The following NPAS3 variants were observed in gnomAD, a reference collection of about 807,000 sequenced individuals.
The protein encoded by NPAS3 is neuronal PAS domain protein 3.
NPAS3 carries 14 observed loss-of-function variants against 73.1 expected under a neutral mutation model. The observed-to-expected ratio is 0.19, with a 90% CI of 0.13 to 0.30. NPAS3 has a LOEUF of 0.30. Ranked by LOEUF, NPAS3 falls within the 10% of genes least tolerant of loss-of-function variation. The probability of loss-of-function intolerance (pLI) is 1.00; values close to 1 mark genes in which losing one functional copy is unlikely to be tolerated. For missense variants in NPAS3, 1,096 were observed against 1,250.0 expected, an observed-to-expected ratio of 0.88 and a Z score of 1.86; for synonymous variants, 620 against 541.5, an observed-to-expected ratio of 1.14 and a Z score of -2.01.
chr14:33,122,447 G>A (rs987066304), intron 2 of NPAS3, among the ~76,000 whole-genome samples: 1 of 151,988 alleles, frequency 6.6e-6, no homozygotes, highest in African/African-American at 2.4e-5. Flanking sequence ...CACATAAATC[G>A]ATGACATTTC....
intron 2 of NPAS3, among the ~76,000 whole-genome samples, chr14:33,143,616 G>A (rs904412769): frequency 3.3e-5 from 5 of 152,114 alleles, no homozygotes; most frequent in Non-Finnish European, 5.9e-5. Context: ...CAATTTAGTG[G>A]CATTAGTATA....
intron 5 of NPAS3, among the ~76,000 whole-genome samples, chr14:33,622,214 A>G (rs988909501): frequency 5.9e-5 from 9 of 152,162 alleles, no homozygotes; most frequent in African/African-American, 2.2e-4. Flanking sequence ...GATACAACAG[A>G]TGAGATAAAG....
chr14:33,439,851 C>A (rs549212175), intron 4 of NPAS3, among the ~76,000 whole-genome samples: 3 of 152,026 alleles, frequency 2.0e-5, no homozygotes, highest in Non-Finnish European at 4.4e-5. Context: ...CGTGGTGGCT[C>A]ACGCCTGTAA....
At chr14:33,546,851 T>C (rs962686855) in intron 4 of NPAS3, among the ~76,000 whole-genome samples, 18 of 152,210 alleles carry the variant, frequency 1.2e-4, no homozygotes, top group Non-Finnish European at 2.1e-4. Context: ...ATTAAGGATG[T>C]TGATAAACTG....
At chr14:33,777,108 A>G (rs1304432387) in intron 8 of NPAS3, among the ~76,000 whole-genome samples, 1 of 152,198 alleles carries the variant, frequency 6.6e-6, no homozygotes, top group African/African-American at 2.4e-5. Context: ...GCCTCAGGCA[A>G]AGCCGACATC....
chr14:33,233,584 A>C (rs2047929669), intron 3 of NPAS3, among the ~76,000 whole-genome samples: 4 of 152,204 alleles, frequency 2.6e-5, no homozygotes, highest in African/African-American at 9.6e-5. Context: ...TTAATCAAGT[A>C]GCAAAAGTAG....
rs527787963 is a variant in NPAS3 at position 33,595,414 on chromosome 14, G to A, written c.558+35204G>A. On this transcript the variant is annotated intron_variant, in intron 5 of 11. Coordinates refer to ENST00000356141, the Ensembl canonical transcript of NPAS3. Reference sequence around the variant, plus strand: ...TATCCATTAATAAACTGGAGAAATCGGCTGTAATTTCTTCTTAAATTATAT... The same window carrying A: ...TATCCATTAATAAACTGGAGAAATCAGCTGTAATTTCTTCTTAAATTATAT... 6.6e-5 allele frequency among the ~76,000 whole-genome samples: 10 copies of A among 151,830 alleles called. 2 individuals carry two copies. The highest frequency in any genetic ancestry group is 6.9e-3 in the Middle Eastern group (2 of 290).
intron 5 of NPAS3, among the ~76,000 whole-genome samples, chr14:33,621,030 A>G (rs2058062340): frequency 1.3e-5 from 2 of 152,174 alleles, no homozygotes; most frequent in South Asian, 4.1e-4. Context: ...ATGACTAGGT[A>G]ACGAGAAGTA....
At chr14:33,338,636 C>T (rs888674721) in intron 3 of NPAS3, among the ~76,000 whole-genome samples, 32 of 152,114 alleles carry the variant, frequency 2.1e-4, no homozygotes, top group South Asian at 8.3e-4. Flanking sequence ...TTTCTATCTG[C>T]GTAGTAAGAT....
In NPAS3 at chr14:33,373,386, A is replaced by G. The variant is rs980332514; in HGVS notation, c.468+6118A>G. ...TTGTCAGCATATTATATTGAACTATATGTGTGTGTGTGTGTGTGTGTGTGT... is the reference window on the plus strand; with the variant it reads ...TTGTCAGCATATTATATTGAACTATGTGTGTGTGTGTGTGTGTGTGTGTGT... On this transcript the variant is annotated intron_variant, in intron 4 of 11. Coordinates refer to ENST00000356141, the Ensembl canonical transcript of NPAS3. Among the ~76,000 whole-genome samples, 35 of 147,250 alleles carry G rather than the reference A, an allele frequency of 2.4e-4. 2 individuals are homozygous for G. Among genetic ancestry groups the G allele is most frequent in the Admixed American group, 2.0e-3 (29 of 14,682 alleles).
intron 7 of NPAS3, among the ~76,000 whole-genome samples, chr14:33,756,715 G>C (rs2062126409): frequency 6.6e-6 from 1 of 152,236 alleles, no homozygotes; most frequent in Admixed American, 6.5e-5. Flanking sequence ...GCAGTAGATA[G>C]ATGTAGCATC....
rs923334639 is a variant in NPAS3 at position 33,148,787 on chromosome 14, G to A, written c.141-66395G>A. ...CTGTAAGCCTCCAATTCCAAGACTC[G>A]GGCAATATTCCCACCTCAGCGTCCC... is the stretch of plus-strand genomic sequence containing the variant. On this transcript the variant is annotated intron_variant, in intron 2 of 11. Transcript: ENST00000356141. Among the ~76,000 whole-genome samples, 14 of 151,918 alleles carry A rather than the reference G, an allele frequency of 9.2e-5. No individual in the cohort carries two copies. The East Asian group carries it at 1.5e-3, about 17-fold the overall frequency.
intron 10 of NPAS3, among the ~76,000 whole-genome samples, chr14:33,795,169 G>C (rs1301999303): frequency 6.6e-6 from 1 of 152,206 alleles, no homozygotes; most frequent in Non-Finnish European, 1.5e-5. Context: ...GCTACCAACA[G>C]CATATCAATC....
At chr14:33,198,571 C>A (rs537920919) in intron 2 of NPAS3, among the ~76,000 whole-genome samples, 41 of 152,324 alleles carry the variant, frequency 2.7e-4, no homozygotes, top group African/African-American at 9.4e-4. Context: ...GGTGCATTTA[C>A]AAACCTTGAG....
At chr14:33,045,224 A>G (rs917767665) in intron 1 of NPAS3, among the ~76,000 whole-genome samples, 5 of 152,194 alleles carry the variant, frequency 3.3e-5, no homozygotes, top group African/African-American at 9.7e-5. Flanking sequence ...GACAGAGGCC[A>G]GATCACCAAG....
At chr14:33,406,538 G>C (rs1034536047) in intron 4 of NPAS3, among the ~76,000 whole-genome samples, 1 of 152,052 alleles carries the variant, frequency 6.6e-6, no homozygotes, top group Non-Finnish European at 1.5e-5. Flanking sequence ...CAGGAGAAAT[G>C]GGTAATCCTG....
At chr14:33,011,256 T>C (rs2039184863) in intron 1 of NPAS3, among the ~76,000 whole-genome samples, 1 of 152,212 alleles carries the variant, frequency 6.6e-6, no homozygotes, top group African/African-American at 2.4e-5. Context: ...TTTGTATCCA[T>C]TCATTTTCCA....
Position 33,053,316 on chromosome 14 carries a change from A to C in NPAS3, c.51-2589A>C, listed in dbSNP as rs1262223746. Among the ~76,000 whole-genome samples the C allele has an allele frequency of 2.0e-5, 3 of 152,126 alleles. No homozygotes were observed. In the East Asian group the frequency reaches 5.8e-4, roughly 29 times the overall value. ...CCATCTCTTTCCTCCTTTTTCCCTT[A>C]GTTTGACTTCTTGTAACTAATTATT... On this transcript the variant is annotated intron_variant, in intron 1 of 11. Coordinates refer to ENST00000356141, the Ensembl canonical transcript of NPAS3.
chr14:33,511,121 A>G (rs1293362517), intron 4 of NPAS3, among the ~76,000 whole-genome samples: 2 of 152,090 alleles, frequency 1.3e-5, no homozygotes, highest in African/African-American at 2.4e-5. Context: ...TTTTCAGCAC[A>G]GCGTTCAGGT....
Sources: allele counts gnomAD v4.1 joint callset (sites outside exome capture counted in the v4.1 genomes callset), GRCh38; gene constraint gnomAD v4.1.1; transcripts MANE v1.5; gene names NCBI Gene and HGNC (gene_info 2026-07-23, HGNC 2026-07-21).